Variants in ENOX2 observed in about 807,000 individuals in gnomAD.
ENOX2 encodes APK1 antigen.
Under a neutral mutation model 45.0 loss-of-function variants are expected in ENOX2, and 36 were observed. The ratio of observed to expected loss-of-function variants is 0.80; its 90% CI spans 0.61 to 1.06. ENOX2 has a LOEUF of 1.06. Ranked by LOEUF, ENOX2 falls within the 50% of genes least tolerant of loss-of-function variation. The pLI is 0.00. For missense variants in ENOX2, 423 were observed against 462.5 expected, an observed-to-expected ratio of 0.91 and a Z score of 0.78; for synonymous variants, 174 against 152.3, an observed-to-expected ratio of 1.14 and a Z score of -1.05.
intron 11 of ENOX2, among the ~76,000 whole-genome samples, chrX:130,636,491 C>A (rs1857208041): frequency 8.9e-6 from 1 of 111,963 alleles, no homozygotes; most frequent in South Asian, 3.7e-4. Context: ...ACAATAGTGG[C>A]CTTACTCAGA....
At chrX:130,772,909 C>T (rs377585121) in intron 3 of ENOX2, among the ~76,000 whole-genome samples, 27 of 112,351 alleles carry the variant, frequency 2.4e-4, no homozygotes, top group East Asian at 1.4e-3. Flanking sequence ...GTGCCTAGTA[C>T]GTAAAAGACA....
At chrX:130,686,136 G>A (rs2037442158) in intron 5 of ENOX2, among the ~76,000 whole-genome samples, 1 of 111,058 alleles carries the variant, frequency 9.0e-6, no homozygotes, top group Non-Finnish European at 1.9e-5. Flanking sequence ...AAGGAGTGGG[G>A]TTTATAATTG....
intron 3 of ENOX2, among the ~76,000 whole-genome samples, chrX:130,770,094 C>A (rs1235482988): frequency 9.0e-6 from 1 of 111,397 alleles, no homozygotes; most frequent in Non-Finnish European, 1.9e-5. Context: ...GCTGGTGATA[C>A]GATGTTAGAA....
intron 4 of ENOX2, among the ~76,000 whole-genome samples, chrX:130,698,174 A>G (rs766865167): frequency 2.6e-4 from 29 of 112,183 alleles, no homozygotes; most frequent in Admixed American, 6.6e-4. Context: ...CATAGATCAT[A>G]TAAACTCATA....
chrX:130,665,808 AGAG>A, intron 8 of ENOX2, 59 bp from the exon 9 acceptor site: 1 of 671,469 alleles, frequency 1.5e-6, no homozygotes, highest in Non-Finnish European at 2.4e-6. Flanking sequence ...ATGGAAAAAG[AGAG>A]GAGAAAAGAA....
chrX:130,844,268 C>T (rs139777581), intron 2 of ENOX2, among the ~76,000 whole-genome samples: 3 of 111,829 alleles, frequency 2.7e-5, no homozygotes, highest in Non-Finnish European at 5.6e-5. Flanking sequence ...CACTTAGTCC[C>T]TCCACCCGCT....
intron 2 of ENOX2, among the ~76,000 whole-genome samples, chrX:130,891,763 T>C (rs1310590092): frequency 1.8e-5 from 2 of 111,364 alleles, no homozygotes; most frequent in Non-Finnish European, 3.8e-5. Flanking sequence ...ATTAAAGGAA[T>C]AGTTCTTAAT....
chrX:130,834,303 A>C (rs976687275), intron 2 of ENOX2, among the ~76,000 whole-genome samples: 1 of 111,386 alleles, frequency 9.0e-6, no homozygotes, highest in African/African-American at 3.3e-5. Flanking sequence ...CTCTCCTTAC[A>C]ATGGAACTCC....
intron 3 of ENOX2, among the ~76,000 whole-genome samples, chrX:130,708,948 T>C (rs925106930): frequency 4.5e-5 from 5 of 112,176 alleles, no homozygotes; most frequent in Admixed American, 2.8e-4. Flanking sequence ...AATTCCCAAT[T>C]ACAGACATAC....
chrX:130,715,093 T>C (rs1206645988), intron 3 of ENOX2, among the ~76,000 whole-genome samples: 2 of 111,989 alleles, frequency 1.8e-5, no homozygotes, highest in Non-Finnish European at 3.8e-5. Context: ...CATTTCTCTC[T>C]CCTAAAAGTA....
chrX:130,828,540 A>G (rs2077762026), intron 2 of ENOX2, among the ~76,000 whole-genome samples: 1 of 112,015 alleles, frequency 8.9e-6, no homozygotes, highest in Non-Finnish European at 1.9e-5. Context: ...TAAAACATCT[A>G]TATTCATTGA....
At chrX:130,866,421 TCTTGA>T (rs201714048) in intron 2 of ENOX2, among the ~76,000 whole-genome samples, 204 of 112,147 alleles carry the variant, frequency 1.8e-3, no homozygotes, top group African/African-American at 6.1e-3. Flanking sequence ...AAATCCCTAA[TCTTGA>T]CTTTTAAAGC....
chrX:130,796,010 G>C (rs773549303), intron 2 of ENOX2, among the ~76,000 whole-genome samples: 1 of 109,857 alleles, frequency 9.1e-6, no homozygotes, highest in African/African-American at 3.3e-5. Context: ...TGTTCTGGGT[G>C]GGGGGCTGTC....
intron 2 of ENOX2, among the ~76,000 whole-genome samples, chrX:130,805,193 CAG>C (rs2077280556): frequency 8.9e-6 from 1 of 111,927 alleles, no homozygotes; most frequent in Non-Finnish European, 1.9e-5. Flanking sequence ...GCAGCCCGAA[CAG>C]ACTAAAACAC....
chrX:130,889,811 T>C (rs1445176586), intron 2 of ENOX2, among the ~76,000 whole-genome samples: 1 of 112,378 alleles, frequency 8.9e-6, no homozygotes, highest in Non-Finnish European at 1.9e-5. Flanking sequence ...CTGACAGCCC[T>C]AGCACCAGAT....
chrX:130,898,994 G>A (rs962566665), intron 2 of ENOX2, among the ~76,000 whole-genome samples: 2 of 110,811 alleles, frequency 1.8e-5, no homozygotes, highest in Non-Finnish European at 3.8e-5. Context: ...TGTCAAGGAC[G>A]GAGTGTACTG....
chrX:130,883,179 C>T (rs953911953), intron 2 of ENOX2, among the ~76,000 whole-genome samples: 1 of 111,614 alleles, frequency 9.0e-6, no homozygotes, highest in Non-Finnish European at 1.9e-5. Context: ...GGCATGGTCT[C>T]AGCTCACTGT....
chrX:130,812,021 G>GA (rs1012862957), intron 2 of ENOX2, among the ~76,000 whole-genome samples: 54 of 110,456 alleles, frequency 4.9e-4, no homozygotes, highest in African/African-American at 1.7e-3. Context: ...ACAGTAAGAG[G>GA]AAAAAAAAGA....
chrX:130,652,775 AG>A (rs2036438941), intron 10 of ENOX2, among the ~76,000 whole-genome samples: 1 of 112,447 alleles, frequency 8.9e-6, no homozygotes, highest in African/African-American at 3.2e-5. Context: ...GCATGCACAC[AG>A]GGAGAACACC....
Sources: gnomAD v4.1 joint callset for allele counts (sites outside exome capture counted in the v4.1 genomes callset) on GRCh38, gnomAD v4.1.1 for gene constraint, MANE v1.5 for transcripts, NCBI Gene and HGNC (gene_info 2026-07-23, HGNC 2026-07-21) for gene names.